Variants in ZNF804A observed in about 807,000 individuals in gnomAD.
ZNF804A encodes zinc finger protein 804A.
Under a neutral mutation model 16.5 loss-of-function variants are expected in ZNF804A, and 2 were observed. The observed-to-expected ratio is 0.12, with a 90% CI of 0.05 to 0.38. The LOEUF (loss-of-function observed/expected upper bound fraction) is 0.38. ZNF804A is among the 10% of genes least tolerant of loss of function. ZNF804A has a pLI of 0.99. For synonymous variants in ZNF804A, 534 were observed against 489.6 expected (o/e 1.09, Z -1.20); for missense variants, 1,473 against 1,390.7 (o/e 1.06, Z -0.94).
intron 2 of ZNF804A, among the ~76,000 whole-genome samples, chr2:184,896,339 T>C (rs1685069112): frequency 6.6e-6 from 1 of 152,124 alleles, no homozygotes. Flanking sequence ...AAAGAGCCAC[T>C]CATGTCATGA....
chr2:184,724,191 A>G (rs1439614867), intron 1 of ZNF804A, among the ~76,000 whole-genome samples: 1 of 151,766 alleles, frequency 6.6e-6, no homozygotes, highest in Admixed American at 6.6e-5. Flanking sequence ...GTAGTAAAAG[A>G]AACACATTAA....
intron 1 of ZNF804A, among the ~76,000 whole-genome samples, chr2:184,628,941 A>C (rs1691555790): frequency 6.6e-6 from 1 of 152,184 alleles, no homozygotes. Flanking sequence ...TTGCTTAATT[A>C]GTGCATGAAA....
At chr2:184,794,011 G>T (rs1260185856) in intron 1 of ZNF804A, among the ~76,000 whole-genome samples, 1 of 152,084 alleles carries the variant, frequency 6.6e-6, no homozygotes, top group East Asian at 1.9e-4. Flanking sequence ...TTGCTATTGT[G>T]AATTGTGCTG....
chr2:184,901,859 T>C (rs1685186662), intron 2 of ZNF804A, among the ~76,000 whole-genome samples: 1 of 151,996 alleles, frequency 6.6e-6, no homozygotes, highest in African/African-American at 2.4e-5. Context: ...AGATTTGAAG[T>C]GACTTATCCA....
At chr2:184,794,366 T>C in intron 1 of ZNF804A, among the ~76,000 whole-genome samples, 1 of 152,138 alleles carries the variant, frequency 6.6e-6, no homozygotes, top group Non-Finnish European at 1.5e-5. Context: ...CATTCGTATA[T>C]CTTGTTTTGA....
intron 1 of ZNF804A, among the ~76,000 whole-genome samples, chr2:184,707,373 G>T (rs1382397849): frequency 6.6e-6 from 1 of 152,076 alleles, no homozygotes; most frequent in Non-Finnish European, 1.5e-5. Flanking sequence ...GCTGAGGTTT[G>T]GGATACAGAT....
chr2:184,917,109 T>C (rs955568582), intron 2 of ZNF804A, among the ~76,000 whole-genome samples: 1 of 152,180 alleles, frequency 6.6e-6, no homozygotes, highest in Non-Finnish European at 1.5e-5. Flanking sequence ...GTTTGACCAA[T>C]ATATAGATAC....
intron 1 of ZNF804A, among the ~76,000 whole-genome samples, chr2:184,837,009 A>G (rs1558977410): frequency 6.6e-6 from 1 of 151,836 alleles, no homozygotes; most frequent in African/African-American, 2.4e-5. Context: ...ATCTGTTCAC[A>G]CATTGCTTTT....
At chr2:184,692,518 G>A (rs1371015608) in intron 1 of ZNF804A, among the ~76,000 whole-genome samples, 2 of 152,144 alleles carry the variant, frequency 1.3e-5, no homozygotes, top group Non-Finnish European at 2.9e-5. Context: ...GATGCTGGAG[G>A]TTTATAGTTT....
intron 1 of ZNF804A, among the ~76,000 whole-genome samples, chr2:184,731,495 C>T (rs1189317181): frequency 6.8e-6 from 1 of 147,762 alleles, no homozygotes; most frequent in Non-Finnish European, 1.5e-5. Context: ...TGATGTGGAA[C>T]ATCTTTTTCT....
intron 1 of ZNF804A, among the ~76,000 whole-genome samples, chr2:184,757,168 G>GA (rs1411069057): frequency 6.6e-6 from 1 of 151,892 alleles, no homozygotes; most frequent in East Asian, 1.9e-4. Context: ...CTTTAATATT[G>GA]TAAAAACAGC....
intron 1 of ZNF804A, among the ~76,000 whole-genome samples, chr2:184,600,490 C>A (rs1430344221): frequency 6.6e-6 from 1 of 152,072 alleles, no homozygotes; most frequent in Non-Finnish European, 1.5e-5. Flanking sequence ...TAGCCAAAGG[C>A]TAAAGGAGTT....
intron 1 of ZNF804A, among the ~76,000 whole-genome samples, chr2:184,825,390 A>G (rs1304382919): frequency 5.3e-5 from 8 of 152,192 alleles, no homozygotes; most frequent in Non-Finnish European, 1.2e-4. Flanking sequence ...CAGAGGATAC[A>G]TTGATGAATA....
At position 184,866,800 on chromosome 2, in the gene ZNF804A, A is replaced by G. The variant is rs541601869; in HGVS notation, c.255+288A>G. Among the ~76,000 whole-genome samples the G allele has an allele frequency of 2.6e-5, 4 of 151,328 alleles. No individual in the cohort carries two copies. In the South Asian group the frequency reaches 8.3e-4, roughly 31 times the overall value. On this transcript the variant is annotated intron_variant, in intron 2 of 3. Transcript: ENST00000302277. ...TTTCGAAAACAATATTCTACAAGTGATGATCCTCTTATTGTCCTCAAATGT... is the reference window on the plus strand; with the variant it reads ...TTTCGAAAACAATATTCTACAAGTGGTGATCCTCTTATTGTCCTCAAATGT...
At chr2:184,926,576 C>T (rs1192762518) in intron 2 of ZNF804A, among the ~76,000 whole-genome samples, 1 of 151,864 alleles carries the variant, frequency 6.6e-6, no homozygotes, top group African/African-American at 2.4e-5. Flanking sequence ...CTTTTATTAT[C>T]CCTTTGGATA....
At chr2:184,738,492 A>G (rs1436211630) in intron 1 of ZNF804A, among the ~76,000 whole-genome samples, 4 of 152,226 alleles carry the variant, frequency 2.6e-5, no homozygotes, top group Non-Finnish European at 4.4e-5. Context: ...TCTAAGGATA[A>G]TTAAATGGTT....
At chr2:184,705,021 G>C (rs1163125656) in intron 1 of ZNF804A, among the ~76,000 whole-genome samples, 1 of 152,130 alleles carries the variant, frequency 6.6e-6, no homozygotes, top group Non-Finnish European at 1.5e-5. Flanking sequence ...TAATACTCCT[G>C]CTCTTTCAGA....
At chr2:184,784,470 A>G (rs1233843227) in intron 1 of ZNF804A, among the ~76,000 whole-genome samples, 1 of 151,930 alleles carries the variant, frequency 6.6e-6, no homozygotes, top group East Asian at 1.9e-4. Flanking sequence ...GCAATCTCTC[A>G]AAAGGTTTTG....
chr2:184,901,348 G>A (rs1031683152), intron 2 of ZNF804A, among the ~76,000 whole-genome samples: 1 of 152,050 alleles, frequency 6.6e-6, no homozygotes, highest in African/African-American at 2.4e-5. Flanking sequence ...GAGAGTGAAG[G>A]GAAGGAAAGA....
Sources: allele counts gnomAD v4.1 joint callset (sites outside exome capture counted in the v4.1 genomes callset), GRCh38; gene constraint gnomAD v4.1.1; transcripts MANE v1.5; gene names NCBI Gene and HGNC (gene_info 2026-07-23, HGNC 2026-07-21).